Variants in MAN1C1 observed in about 807,000 individuals in gnomAD.
The protein encoded by MAN1C1 is mannosyl-oligosaccharide 1,2-alpha-mannosidase IC.
Under a neutral mutation model 71.5 loss-of-function variants are expected in MAN1C1, and 49 were observed. That is an observed-to-expected ratio of 0.69 (90% CI 0.54 to 0.87). The LOEUF is 0.87. MAN1C1 is among the 40% of genes least tolerant of loss of function. MAN1C1 has a pLI of 0.00. For synonymous variants in MAN1C1, 352 were observed against 343.7 expected, an observed-to-expected ratio of 1.02 and a Z score of -0.27; for missense variants, 743 against 835.0, an observed-to-expected ratio of 0.89 and a Z score of 1.36.
chr1:25,642,995 T>C (rs962945997), intron 1 of MAN1C1, among the ~76,000 whole-genome samples: 3 of 152,182 alleles, frequency 2.0e-5, no homozygotes, highest in African/African-American at 7.2e-5. Flanking sequence ...TGGAAATGAC[T>C]CATTTGTCAG....
chr1:25,762,987 G>A (rs945531424), intron 6 of MAN1C1, among the ~76,000 whole-genome samples: 1 of 151,932 alleles, frequency 6.6e-6, no homozygotes, highest in Admixed American at 6.6e-5. Flanking sequence ...CCCTCCCTAG[G>A]CCAGGCACAG....
At chr1:25,708,450 CA>C (rs1444009501) in intron 2 of MAN1C1, among the ~76,000 whole-genome samples, 7 of 152,114 alleles carry the variant, frequency 4.6e-5, no homozygotes, top group Non-Finnish European at 8.8e-5. Context: ...GCTTCTTTAC[CA>C]TAGCCTGTTT....
At chr1:25,639,881 C>T (rs1165798005) in intron 1 of MAN1C1, among the ~76,000 whole-genome samples, 5 of 152,126 alleles carry the variant, frequency 3.3e-5, no homozygotes, top group Non-Finnish European at 2.9e-5. Context: ...ATTTTTTGCT[C>T]ATCTGCTTTT....
rs573050303 is a variant in MAN1C1 at position 25,642,420 on chromosome 1, G to A, written c.540+24083G>A. On this transcript the variant is annotated intron_variant, in intron 1 of 11. Coordinates refer to ENST00000374332, the MANE Select transcript of MAN1C1 (RefSeq NM_020379.4). Reference sequence around the variant, plus strand: ...ATCTCAGCCATGCCAGGTGCTAGACGTGACTTCACCTGAGAATTGCTGACC... The same window carrying A: ...ATCTCAGCCATGCCAGGTGCTAGACATGACTTCACCTGAGAATTGCTGACC... Among the ~76,000 whole-genome samples the A allele has an allele frequency of 2.0e-4, 30 of 152,330 alleles. 1 individual carries two copies. The South Asian group carries it at 4.8e-3, about 24-fold the overall frequency.
intron 2 of MAN1C1, among the ~76,000 whole-genome samples, chr1:25,687,726 C>T (rs947548408): frequency 2.0e-5 from 3 of 152,138 alleles, no homozygotes; most frequent in Non-Finnish European, 4.4e-5. Context: ...ATTTCACTCC[C>T]CTTGTGGGAA....
At chr1:25,715,278 G>A (rs1245423908) in intron 2 of MAN1C1, among the ~76,000 whole-genome samples, 1 of 152,112 alleles carries the variant, frequency 6.6e-6, no homozygotes, top group Non-Finnish European at 1.5e-5. Context: ...GAAAGGGCTG[G>A]ACTGACCAAG....
At chr1:25,665,541 T>A (rs1428890324) in intron 1 of MAN1C1, among the ~76,000 whole-genome samples, 1 of 152,212 alleles carries the variant, frequency 6.6e-6, no homozygotes, top group Non-Finnish European at 1.5e-5. Context: ...TGTGTCCCAT[T>A]ACAGACCAAT....
At chr1:25,675,269 A>G (rs969170468) in intron 1 of MAN1C1, among the ~76,000 whole-genome samples, 4 of 152,106 alleles carry the variant, frequency 2.6e-5, no homozygotes, top group African/African-American at 4.8e-5. Flanking sequence ...CCCAAAGTCC[A>G]TTATATCATT....
intron 1 of MAN1C1, among the ~76,000 whole-genome samples, chr1:25,660,261 C>T (rs2045826543): frequency 6.6e-6 from 1 of 151,828 alleles, no homozygotes; most frequent in Admixed American, 6.6e-5. Context: ...ATTAGCTGGG[C>T]GTGGTGGCAC....
intron 1 of MAN1C1, 75 bp from the exon 2 acceptor site, chr1:25,686,365 G>T: frequency 7.8e-7 from 1 of 1,274,432 alleles, no homozygotes; most frequent in South Asian, 1.2e-5. Flanking sequence ...GTTGCAAGGG[G>T]CAAAGCCAGG....
intron 4 of MAN1C1, 132 bp downstream of exon 4, chr1:25,749,467 A>C (rs2047183412): frequency 1.5e-6 from 1 of 659,492 alleles, no homozygotes; most frequent in South Asian, 2.4e-5. Context: ...GGGCCACCCA[A>C]GTCCACCCCT....
intron 1 of MAN1C1, among the ~76,000 whole-genome samples, chr1:25,660,642 C>T (rs963698801): frequency 5.9e-5 from 9 of 151,762 alleles, no homozygotes; most frequent in African/African-American, 1.9e-4. Context: ...ATCCGCCCGC[C>T]TCGGCCTCCC....
At chr1:25,644,636 C>T (rs1251275131) in intron 1 of MAN1C1, 2 of 147,340 alleles carry the variant, frequency 1.4e-5, no homozygotes, top group South Asian at 4.3e-4. Context: ...AGCAATTCTC[C>T]AGCCTCAGCC....
rs766562285 is a variant in MAN1C1 at position 25,751,570 on chromosome 1, G to GGGCA, written c.835-1902_835-1899dup. 1.9e-3 allele frequency among the ~76,000 whole-genome samples: 285 copies of GGGCA among 152,340 alleles called. 1 individual carries two copies. The highest frequency in any genetic ancestry group is 3.5e-3 in the Non-Finnish European group (239 of 68,034). ...AGGGGCCAACGTGGCCAGAACCCCT[G>GGGCA]GGCAGGCAGGCAGGCTCCTGTGTCA... On this transcript the variant is annotated intron_variant, in intron 4 of 11. Transcript: ENST00000374332.
intron 1 of MAN1C1, among the ~76,000 whole-genome samples, chr1:25,666,554 A>C (rs1402119087): frequency 6.6e-6 from 1 of 152,176 alleles, no homozygotes; most frequent in African/African-American, 2.4e-5. Flanking sequence ...GTTGAGTAGA[A>C]GCCATCCTCC....
Position 25,746,837 on chromosome 1 carries a change from C to A in MAN1C1, c.753+54C>A, listed in dbSNP as rs879187326. 8 of 1,178,964 alleles carry A rather than the reference C, an allele frequency of 6.8e-6. No individual in the cohort carries two copies. The South Asian group carries it at 9.6e-5, about 14-fold the overall frequency. 73.0% of individuals were successfully genotyped at this position (1,178,964 alleles called of 1,614,324 possible). On this transcript the variant is annotated intron_variant, in intron 3 of 11. Transcript: ENST00000374332. This position sits in a 1 kb window ranked among gnomAD's most constrained non-coding sequence, Gnocchi z 4.0. ...GGGGCGGGGGCCAGAAGAGGCCCAA[C>A]AGCCAGCTTCACCCTGTCATCTCTG...
At chr1:25,771,615 C>CAA (rs773034676) in intron 7 of MAN1C1, 42 bp from the exon 8 acceptor site, 2 of 1,485,868 alleles carry the variant, frequency 1.3e-6, no homozygotes, top group Non-Finnish European at 1.9e-6. Context: ...TGAGAGCCGG[C>CAA]GGCAGATGGA....
At chr1:25,713,422 A>G (rs2046639690) in intron 2 of MAN1C1, among the ~76,000 whole-genome samples, 1 of 152,222 alleles carries the variant, frequency 6.6e-6, no homozygotes, top group Non-Finnish European at 1.5e-5. Context: ...ATTCATACGC[A>G]GGTTTTGAGT....
rs893704741 is a variant in MAN1C1, at chr1:25,631,932, C to T, written c.540+13595C>T. The stretch of plus-strand genomic sequence containing the variant: ...GACTACAGGTGCATGCCACTACGCA[C>T]GGCTAATTTTTGTATTTTTTGTAGG... On this transcript the variant is annotated intron_variant, in intron 1 of 11. Transcript: ENST00000374332. The surrounding 1 kb of genome is among the most constrained non-coding windows in gnomAD (Gnocchi z 4.2). Among the ~76,000 whole-genome samples, 7 of 152,054 alleles carry T rather than the reference C, an allele frequency of 4.6e-5. No individual in the cohort carries two copies. The highest frequency in any genetic ancestry group is 7.2e-5 in the African/African-American group (3 of 41,392).
Sources: gnomAD v4.1 joint callset for allele counts (sites outside exome capture counted in the v4.1 genomes callset) on GRCh38, gnomAD v4.1.1 for gene constraint, Gnocchi (gnomAD v3.1) non-coding constraint, MANE v1.5 for transcripts, NCBI Gene and HGNC (gene_info 2026-07-23, HGNC 2026-07-21) for gene names.